The following TOX variants were observed in gnomAD, a reference collection of about 807,000 sequenced individuals.
TOX encodes the protein thymocyte selection associated high mobility group box, also known as thymocyte selection-associated high mobility group box protein TOX.
Under a neutral mutation model 53.7 loss-of-function variants are expected in TOX, and 11 were observed. That is an observed-to-expected ratio of 0.20 (90% CI 0.13 to 0.34). The LOEUF (loss-of-function observed/expected upper bound fraction) is 0.34. Ranked by LOEUF, TOX falls within the 10% of genes least tolerant of loss-of-function variation. The pLI is 1.00. For synonymous variants in TOX, 225 were observed against 245.3 expected, an observed-to-expected ratio of 0.92 and a Z score of 0.77; for missense variants, 570 against 664.6, an observed-to-expected ratio of 0.86 and a Z score of 1.56.
intron 1 of TOX, among the ~76,000 whole-genome samples, chr8:59,074,987 G>A (rs892209269): frequency 6.6e-6 from 1 of 152,232 alleles, no homozygotes; most frequent in African/African-American, 2.4e-5. Flanking sequence ...AGGGACTGCA[G>A]ACAAAGTCTT....
At chr8:58,975,288 AGG>A (rs1173877968) in intron 1 of TOX, among the ~76,000 whole-genome samples, 3 of 150,580 alleles carry the variant, frequency 2.0e-5, no homozygotes, top group Admixed American at 6.6e-5. Context: ...AGAGAGAGAG[AGG>A]GGAGATTGAC....
intron 3 of TOX, among the ~76,000 whole-genome samples, chr8:58,885,404 C>T (rs544615070): frequency 6.6e-6 from 1 of 152,196 alleles, no homozygotes; most frequent in East Asian, 1.9e-4. Flanking sequence ...CAAACAGTCT[C>T]TTTTCTGGAT....
chr8:58,988,647 G>T (rs1382673653), intron 1 of TOX, among the ~76,000 whole-genome samples: 1 of 152,144 alleles, frequency 6.6e-6, no homozygotes, highest in East Asian at 1.9e-4. Context: ...GGCTCAATAG[G>T]CCAACAAGCT....
rs34427140 is a variant in TOX, at chr8:59,039,845, ATTTTT to A, written c.102+79036_102+79040del. On this transcript the variant is annotated intron_variant, in intron 1 of 8. Transcript: ENST00000361421. ...GGACAGAGGAGAGCTAATTTAAATA[ATTTTT>A]TTTAAGTACGAGCTTGAAGAAACAA... is the stretch of plus-strand genomic sequence containing the variant. Among the ~76,000 whole-genome samples, 7 of 152,194 alleles carry A rather than the reference ATTTTT, an allele frequency of 4.6e-5. 1 individual carries two copies. In the South Asian group the frequency reaches 1.4e-3, roughly 32 times the overall value.
intron 1 of TOX, among the ~76,000 whole-genome samples, chr8:59,058,823 G>A (rs371901879): frequency 6.6e-6 from 1 of 152,150 alleles, no homozygotes; most frequent in Admixed American, 6.5e-5. Flanking sequence ...GCCTTTCTCT[G>A]TTTACAATTA....
intron 1 of TOX, among the ~76,000 whole-genome samples, chr8:59,052,006 T>C (rs1374754927): frequency 6.6e-6 from 1 of 152,208 alleles, no homozygotes; most frequent in Non-Finnish European, 1.5e-5. Flanking sequence ...ATCATATCCC[T>C]GTTAAGAATT....
At chr8:59,048,967 T>C (rs1434862847) in intron 1 of TOX, among the ~76,000 whole-genome samples, 1 of 152,160 alleles carries the variant, frequency 6.6e-6, no homozygotes, top group Non-Finnish European at 1.5e-5. Context: ...CGAAAAAATG[T>C]TCAAATTTAC....
At chr8:58,861,043 C>T (rs1811002220) in intron 3 of TOX, among the ~76,000 whole-genome samples, 1 of 152,160 alleles carries the variant, frequency 6.6e-6, no homozygotes, top group Admixed American at 6.5e-5. Flanking sequence ...CCATTTGTTT[C>T]CTGCTGTGAA....
Position 59,021,499 on chromosome 8 carries a change from T to TATATATATATATATATACAC in TOX, c.103-61492_103-61491insGTGTATATATATATATATAT, listed in dbSNP as rs1554539851. On this transcript the variant is annotated intron_variant, in intron 1 of 8. Coordinates refer to ENST00000361421, the MANE Select transcript of TOX (RefSeq NM_014729.3). Reference sequence around the variant, plus strand: ...AAAAAAAAATATATATATATATATATGCACATATATACAATGTCAGATATA... The same window carrying TATATATATATATATATACAC: ...AAAAAAAAATATATATATATATATATATATATATATATATATACACGCACATATATACAATGTCAGATATA... Among the ~76,000 whole-genome samples, 63 of 109,490 alleles carry TATATATATATATATATACAC rather than the reference T, an allele frequency of 5.8e-4. 5 individuals carry two copies. In the East Asian group the frequency reaches 6.2e-3, roughly 11 times the overall value. The allele number at this position is 109,490 out of a possible 152,430, so 71.8% of individuals were successfully genotyped here. A position where few individuals can be genotyped will look rare whatever the true frequency, so the allele number is the denominator to read the frequency against.
At chr8:58,892,874 G>T (rs1310590799) in intron 3 of TOX, among the ~76,000 whole-genome samples, 2 of 152,110 alleles carry the variant, frequency 1.3e-5, no homozygotes, top group South Asian at 2.1e-4. Context: ...ACTTAAAAGA[G>T]TTGGAGAAGC....
At chr8:59,007,242 T>C (rs908390999) in intron 1 of TOX, among the ~76,000 whole-genome samples, 3 of 151,990 alleles carry the variant, frequency 2.0e-5, no homozygotes, top group Non-Finnish European at 4.4e-5. Context: ...TCTTCAGTTA[T>C]GCAAACTTTC....
chr8:58,810,264 A>G (rs1022570331), intron 7 of TOX, among the ~76,000 whole-genome samples: 1 of 152,152 alleles, frequency 6.6e-6, no homozygotes, highest in South Asian at 2.1e-4. Context: ...TTGGTCTCCC[A>G]AAGTGCTGGG....
At position 59,101,102 on chromosome 8, in the gene TOX, G is replaced by A. The variant is rs145675906; in HGVS notation, c.102+17784C>T. 2.2e-3 allele frequency among the ~76,000 whole-genome samples: 341 copies of A among 152,228 alleles called. 2 individuals are homozygous for A. Among genetic ancestry groups the A allele is most frequent in the African/African-American group, 5.8e-3 (241 of 41,520 alleles). On this transcript the variant is annotated intron_variant, in intron 1 of 8. Coordinates refer to ENST00000361421, the MANE Select transcript of TOX (RefSeq NM_014729.3). Reference sequence around the variant, plus strand: ...GACTAAAGGAAAGGAAAGGAAAAGCGCAGAGAGGGTAAATGCACAAGTGAA... The same window carrying A: ...GACTAAAGGAAAGGAAAGGAAAAGCACAGAGAGGGTAAATGCACAAGTGAA...
At chr8:58,848,745 C>T (rs1244001900) in intron 4 of TOX, among the ~76,000 whole-genome samples, 1 of 152,002 alleles carries the variant, frequency 6.6e-6, no homozygotes, top group East Asian at 1.9e-4. Context: ...CAATCAAAAT[C>T]GCGGGTAGTG....
At chr8:58,955,491 T>C (rs996683876) in intron 2 of TOX, among the ~76,000 whole-genome samples, 7 of 152,262 alleles carry the variant, frequency 4.6e-5, no homozygotes, top group Admixed American at 3.9e-4. Context: ...CAAGAGGAAG[T>C]GATTTATTAA....
chr8:58,910,142 A>G (rs1811885314), intron 3 of TOX, among the ~76,000 whole-genome samples: 1 of 152,204 alleles, frequency 6.6e-6, no homozygotes, highest in Non-Finnish European at 1.5e-5. Context: ...TTGAATCAGG[A>G]ACTTTTGAAG....
At chr8:59,090,222 T>C (rs1804586801) in intron 1 of TOX, among the ~76,000 whole-genome samples, 1 of 152,206 alleles carries the variant, frequency 6.6e-6, no homozygotes, top group Admixed American at 6.5e-5. Flanking sequence ...AAGGAACACC[T>C]ATCAAAAATT....
intron 1 of TOX, among the ~76,000 whole-genome samples, chr8:59,021,614 A>C (rs1204424603): frequency 6.6e-6 from 1 of 151,560 alleles, no homozygotes; most frequent in African/African-American, 2.4e-5. Context: ...TACAGGACCT[A>C]CAATTTGGAA....
At chr8:58,994,417 TGTGCGC>T (rs1563412020) in intron 1 of TOX, among the ~76,000 whole-genome samples, 1 of 139,816 alleles carries the variant, frequency 7.2e-6, no homozygotes, top group African/African-American at 3.0e-5. Context: ...TGTGTGTGTG[TGTGCGC>T]GCGCGCATGT....
Sources: gnomAD v4.1 joint callset for allele counts (sites outside exome capture counted in the v4.1 genomes callset) on GRCh38, gnomAD v4.1.1 for gene constraint, MANE v1.5 for transcripts, NCBI Gene and HGNC (gene_info 2026-07-23, HGNC 2026-07-21) for gene names.